The following PCDH15 variants were observed in gnomAD, a reference collection of about 807,000 sequenced individuals.
PCDH15 encodes the protein protocadherin-15.
PCDH15 carries 129 observed loss-of-function variants against 178.5 expected under a neutral mutation model. That is an observed-to-expected ratio of 0.72 (90% CI 0.63 to 0.84). The LOEUF (loss-of-function observed/expected upper bound fraction) is 0.84. Ranked by LOEUF, PCDH15 falls within the 40% of genes least tolerant of loss-of-function variation. The pLI is 0.00. For synonymous variants in PCDH15, 800 were observed against 732.0 expected, an observed-to-expected ratio of 1.09 and a Z score of -1.50; for missense variants, 2,230 against 2,099.9, an observed-to-expected ratio of 1.06 and a Z score of -1.21.
At chr10:54,724,142 T>G (rs1394819157) in intron 1 of PCDH15, among the ~76,000 whole-genome samples, 4 of 151,792 alleles carry the variant, frequency 2.6e-5, no homozygotes, top group Non-Finnish European at 5.9e-5. Flanking sequence ...TCAACCTAAG[T>G]GTCCAACAGC....
intron 1 of PCDH15, among the ~76,000 whole-genome samples, chr10:54,722,543 T>A (rs1275028382): frequency 6.7e-6 from 1 of 149,542 alleles, no homozygotes; most frequent in African/African-American, 2.5e-5. Flanking sequence ...TGATCTTTCT[T>A]CAGGCAAAAT....
chr10:53,851,009 C>CA (rs1011740644), intron 28 of PCDH15, among the ~76,000 whole-genome samples: 3 of 152,124 alleles, frequency 2.0e-5, no homozygotes, highest in African/African-American at 7.2e-5. Flanking sequence ...AGTGATCTAT[C>CA]AGGTCCTAGA....
chr10:54,308,590 TAAGGAGAACC>T, intron 8 of PCDH15, among the ~76,000 whole-genome samples: 1 of 152,244 alleles, frequency 6.6e-6, no homozygotes, highest in South Asian at 2.1e-4. Flanking sequence ...TGACCAATGA[TAAGGAGAACC>T]AAGGATTCCT....
chr10:55,391,053 G>C (rs1588980344), intron 2 of PCDH15, among the ~76,000 whole-genome samples: 3 of 152,130 alleles, frequency 2.0e-5, no homozygotes, highest in African/African-American at 7.2e-5. Flanking sequence ...GCCAGGCATT[G>C]ACTTCTCCTC....
chr10:54,456,594 C>T (rs1253335410), intron 3 of PCDH15, among the ~76,000 whole-genome samples: 2 of 152,196 alleles, frequency 1.3e-5, no homozygotes, highest in East Asian at 3.9e-4. Flanking sequence ...CGAGTACATG[C>T]TGGAATGAGT....
At chr10:54,759,028 T>C (rs1947526540) in intron 1 of PCDH15, among the ~76,000 whole-genome samples, 1 of 152,092 alleles carries the variant, frequency 6.6e-6, no homozygotes, top group South Asian at 2.1e-4. Flanking sequence ...TGTCTTTCAG[T>C]GCCTGTCATT....
rs113646135 is a variant in PCDH15, at chr10:54,599,630, T to C, written c.91+64542A>G. The C allele has an allele frequency of 4.1e-3, 1,379 of 336,032 alleles. 15 individuals are homozygous for C. Among genetic ancestry groups the C allele is most frequent in the African/African-American group, 0.028 (1,285 of 45,270 alleles). The allele number at this position is 336,032 out of a possible 1,614,324, so 20.8% of individuals were successfully genotyped here. On this transcript the variant is annotated intron_variant, in intron 2 of 37. Transcript: ENST00000644397. ...TTCATGGAAAATATGCCAAAAGCAA[T>C]CACAGCAAAAGCAAAAATTGACAAA...
intron 1 of PCDH15, among the ~76,000 whole-genome samples, chr10:54,792,576 C>A (rs1425223195): frequency 2.0e-5 from 3 of 151,938 alleles, no homozygotes; most frequent in African/African-American, 7.2e-5. Flanking sequence ...AAGTCCCGAA[C>A]AGAACAAAAG....
intron 3 of PCDH15, among the ~76,000 whole-genome samples, chr10:54,879,038 T>C (rs866397154): frequency 2.0e-4 from 31 of 152,270 alleles, no homozygotes; most frequent in African/African-American, 7.2e-4. Flanking sequence ...CAAATGATGA[T>C]TATGAAAAGT....
At chr10:55,103,439 C>T (rs1394100516) in intron 2 of PCDH15, among the ~76,000 whole-genome samples, 2 of 152,102 alleles carry the variant, frequency 1.3e-5, no homozygotes, top group Non-Finnish European at 2.9e-5. Context: ...AAACCCTTTG[C>T]CTCAATGCCT....
At position 54,442,417 on chromosome 10, in the gene PCDH15, TATATATATATATATATA is replaced by T. The variant is rs2075859535; in HGVS notation, c.158-63492_158-63476del. On this transcript the variant is annotated intron_variant, in intron 3 of 37. Coordinates refer to ENST00000644397, the MANE Select transcript of PCDH15 (RefSeq NM_001384140.1). ...AAAAAAAAAAAGGCCTTAAAGGCTA[TATATATATATATATATA>T]TATATATATATATATATATATATAT... 1.7e-3 allele frequency among the ~76,000 whole-genome samples: 101 copies of T among 60,738 alleles called. 7 individuals carry two copies. Among genetic ancestry groups the T allele is most frequent in the African/African-American group, 2.8e-3 (46 of 16,368 alleles). The allele number at this position is 60,738 out of a possible 152,430, so 39.8% of individuals were successfully genotyped here. A position where few individuals can be genotyped will look rare whatever the true frequency, so the allele number is the denominator to read the frequency against.
intron 2 of PCDH15, among the ~76,000 whole-genome samples, chr10:54,994,966 AGATC>A (rs2131921735): frequency 6.6e-6 from 1 of 152,308 alleles, no homozygotes; most frequent in East Asian, 1.9e-4. Context: ...CTTCTTTCAG[AGATC>A]TAAGAAAACC....
intron 6 of PCDH15, among the ~76,000 whole-genome samples, chr10:54,336,476 C>T (rs922137938): frequency 6.6e-6 from 1 of 152,136 alleles, no homozygotes; most frequent in Non-Finnish European, 1.5e-5. Context: ...GAACTCGGTG[C>T]CCCGTGTCCC....
intron 21 of PCDH15, among the ~76,000 whole-genome samples, chr10:53,977,557 G>T (rs2090288103): frequency 6.6e-6 from 1 of 152,238 alleles, no homozygotes; most frequent in Middle Eastern, 3.4e-3. Context: ...TAAGATTTGG[G>T]TGGGGACACA....
At chr10:54,631,768 G>T (rs938384156) in intron 2 of PCDH15, among the ~76,000 whole-genome samples, 4 of 152,114 alleles carry the variant, frequency 2.6e-5, no homozygotes, top group African/African-American at 9.7e-5. Flanking sequence ...AATTATGGTA[G>T]AAGACAAATG....
chr10:53,831,397 C>G lies in PCDH15; in HGVS notation c.4120G>C (p.Glu1374Gln), dbSNP rs1172344897. Reference protein sequence around the residue: ...KKRGESLGYTEGALLALAFII... With the variant: ...KKRGESLGYTQGALLALAFII... Reference sequence around the variant, plus strand: ...AAGGCCAGAGCCAACAAGGCCCCTTCTGTGTATCCTAGACTTTCTCCTCTC... The same window carrying G: ...AAGGCCAGAGCCAACAAGGCCCCTTGTGTGTATCCTAGACTTTCTCCTCTC... The change falls in exon 30 of 38, where the codon GAA becomes CAA. Residue 1374 changes from glutamate (E) to glutamine (Q), a missense_variant. Glu to Gln is a conservative substitution (Grantham distance 29). Coordinates refer to ENST00000644397, the MANE Select transcript of PCDH15 (RefSeq NM_001384140.1). The G allele has an allele frequency of 6.2e-7, 1 of 1,614,140 alleles. No individual in the cohort carries two copies. Among genetic ancestry groups the G allele is most frequent in the Non-Finnish European group, 8.5e-7 (1 of 1,180,030 alleles).
At chr10:54,620,413 A>G (rs1295993332) in intron 2 of PCDH15, among the ~76,000 whole-genome samples, 1 of 152,166 alleles carries the variant, frequency 6.6e-6, no homozygotes, top group African/African-American at 2.4e-5. Flanking sequence ...AGTCTTATAA[A>G]TGAAACTGAG....
intron 13 of PCDH15, among the ~76,000 whole-genome samples, chr10:54,176,743 G>C (rs1471563891): frequency 2.0e-5 from 3 of 152,104 alleles, no homozygotes; most frequent in Admixed American, 2.0e-4. Flanking sequence ...GAAATAGCCA[G>C]ATTGCCCAAC....
At chr10:55,061,424 G>A (rs1841427911) in intron 2 of PCDH15, among the ~76,000 whole-genome samples, 1 of 152,132 alleles carries the variant, frequency 6.6e-6, no homozygotes, top group Admixed American at 6.6e-5. Context: ...AGGACATGGA[G>A]AAACAAGAAC....
Sources: allele counts gnomAD v4.1 joint callset (sites outside exome capture counted in the v4.1 genomes callset), GRCh38; gene constraint gnomAD v4.1.1; transcripts MANE v1.5; gene names NCBI Gene and HGNC (gene_info 2026-07-23, HGNC 2026-07-21).